TMEM62: variants seen among roughly 807,000 people sequenced by gnomAD.
TMEM62 encodes the protein transmembrane protein 62.
In TMEM62, 41 loss-of-function variants were observed where a neutral mutation model predicts 70.4. The observed-to-expected ratio is 0.58, with a 90% CI of 0.45 to 0.76. The LOEUF is 0.76. Among genes scored for constraint, TMEM62 ranks in the 30% least tolerant of loss-of-function variants. TMEM62 has a pLI of 0.00. For synonymous variants in TMEM62, 268 were observed against 291.0 expected, an observed-to-expected ratio of 0.92 and a Z score of 0.80; for missense variants, 688 against 788.5, an observed-to-expected ratio of 0.87 and a Z score of 1.53.
At position 43,142,193 on chromosome 15, in the gene TMEM62, G is replaced by T. The variant is rs570744256; in HGVS notation, c.476+3574G>T. 7.7e-4 allele frequency among the ~76,000 whole-genome samples: 110 copies of T among 142,632 alleles called. 1 individual carries two copies. Among genetic ancestry groups the T allele is most frequent in the Admixed American group, 2.2e-4 (3 of 13,820 alleles). The allele number at this position is 142,632 out of a possible 152,430, so 93.6% of individuals were successfully genotyped here. A position where few individuals can be genotyped will look rare whatever the true frequency, so the allele number is the denominator to read the frequency against. On this transcript the variant is annotated intron_variant, in intron 4 of 13. Transcript: ENST00000260403. ...TTTTTTTTTTTTTTTTGAGATGGAG[G>T]CTTGCTCTGTCACCCAGGCTGGGGT...
intron 10 of TMEM62, among the ~76,000 whole-genome samples, chr15:43,168,043 C>T (rs566945412): frequency 2.0e-5 from 3 of 151,858 alleles, no homozygotes; most frequent in South Asian, 2.1e-4. Context: ...AGACTCAGGC[C>T]GGGAGGTTGC....
chr15:43,160,090 C>A (rs114715547), intron 9 of TMEM62, among the ~76,000 whole-genome samples: 3,184 of 151,840 alleles, frequency 0.021, 101 homozygotes, highest in African/African-American at 0.068. Flanking sequence ...TGCCTCAGGC[C>A]CCTGAGTAGC....
intron 9 of TMEM62, among the ~76,000 whole-genome samples, chr15:43,157,941 G>A (rs942705693): frequency 3.9e-5 from 6 of 152,168 alleles, no homozygotes; most frequent in East Asian, 1.9e-4. Flanking sequence ...CTATTTAACC[G>A]ACTTGTCTCT....
chr15:43,162,716 G>A (rs986015889), intron 10 of TMEM62, among the ~76,000 whole-genome samples: 17 of 152,248 alleles, frequency 1.1e-4, no homozygotes, highest in Middle Eastern at 3.4e-3. Context: ...ACAGCGGTAA[G>A]CCACCGCACC....
intron 2 of TMEM62, among the ~76,000 whole-genome samples, chr15:43,134,748 T>C (rs1334394223): frequency 1.3e-5 from 2 of 152,244 alleles, no homozygotes; most frequent in Non-Finnish European, 2.9e-5. Flanking sequence ...CTAACTTTTC[T>C]ATTTTCTTTA....
intron 8 of TMEM62, 141 bp from the exon 9 acceptor site, chr15:43,154,531 T>C: frequency 3.2e-6 from 2 of 624,918 alleles, no homozygotes; most frequent in African/African-American, 3.8e-5. Context: ...AACCAGATCA[T>C]ATCAATAGTG....
intron 10 of TMEM62, among the ~76,000 whole-genome samples, chr15:43,166,019 T>C (rs2039372784): frequency 6.6e-6 from 1 of 152,230 alleles, no homozygotes; most frequent in African/African-American, 2.4e-5. Flanking sequence ...GTATTTATTC[T>C]AATCTTTGTA....
chr15:43,138,957 ATTCT>A (rs1185110817), intron 4 of TMEM62, among the ~76,000 whole-genome samples: 3 of 151,958 alleles, frequency 2.0e-5, no homozygotes, highest in African/African-American at 7.3e-5. Flanking sequence ...CTTTCCTTTA[ATTCT>A]TTCTGTTTCA....
chr15:43,151,332 A>G (rs1265497559), intron 7 of TMEM62, among the ~76,000 whole-genome samples: 1 of 151,960 alleles, frequency 6.6e-6, no homozygotes, highest in Non-Finnish European at 1.5e-5. Flanking sequence ...AAAAAAAAAA[A>G]AAAAAGAAAG....
intron 11 of TMEM62, among the ~76,000 whole-genome samples, chr15:43,171,382 T>C (rs545849780): frequency 6.6e-6 from 1 of 151,694 alleles, no homozygotes; most frequent in East Asian, 1.9e-4. Context: ...ATCCTGATGA[T>C]ATAAAACTTC....
chr15:43,135,847 G>T (rs1322121055), intron 3 of TMEM62, 198 bp downstream of exon 3: 4 of 505,208 alleles, frequency 7.9e-6, no homozygotes, highest in African/African-American at 5.9e-5. Flanking sequence ...CAATTGGTAT[G>T]GTCCTTTTTT....
At chr15:43,156,886 T>C (rs112529120) in intron 9 of TMEM62, among the ~76,000 whole-genome samples, 2,087 of 152,258 alleles carry the variant, frequency 0.014, 40 homozygotes, top group African/African-American at 0.048. Context: ...TCTTGTATCC[T>C]TTGCAATCTG....
At chr15:43,172,071 G>T (rs2142004207) in intron 11 of TMEM62, among the ~76,000 whole-genome samples, 1 of 152,152 alleles carries the variant, frequency 6.6e-6, no homozygotes, top group Non-Finnish European at 1.5e-5. Flanking sequence ...TTTGAATGTG[G>T]AGTTTACTAT....
At chr15:43,151,280 C>T (rs915818668) in intron 7 of TMEM62, among the ~76,000 whole-genome samples, 1 of 144,338 alleles carries the variant, frequency 6.9e-6, no homozygotes, top group Non-Finnish European at 1.5e-5. Context: ...CACTGCACTC[C>T]AGCCTGGGTG....
At chr15:43,170,056 T>C (rs2040023629) in intron 11 of TMEM62, among the ~76,000 whole-genome samples, 1 of 152,214 alleles carries the variant, frequency 6.6e-6, no homozygotes, top group South Asian at 2.1e-4. Context: ...ATGTTTACGT[T>C]AAGATAAGGA....
intron 4 of TMEM62, among the ~76,000 whole-genome samples, chr15:43,141,372 G>T (rs1303980170): frequency 2.6e-5 from 4 of 152,116 alleles, no homozygotes; most frequent in African/African-American, 9.7e-5. Flanking sequence ...TCTATATATG[G>T]AACAACAAAG....
At chr15:43,160,829 A>G in intron 10 of TMEM62, 35 bp downstream of exon 10, 1 of 1,293,340 alleles carries the variant, frequency 7.7e-7, no homozygotes, top group Non-Finnish European at 1.1e-6. Context: ...CATATGTTAA[A>G]TGCAGAGTCC....
At chr15:43,146,048 A>C (rs2036621265) in intron 4 of TMEM62, 1 of 153,120 alleles carries the variant, frequency 6.5e-6, no homozygotes, top group Non-Finnish European at 1.5e-5. Context: ...TCCTTGCTTG[A>C]AGACTTCATC....
At chr15:43,167,993 G>A (rs12912837) in intron 10 of TMEM62, among the ~76,000 whole-genome samples, 40,773 of 151,734 alleles carry the variant, frequency 0.27, 6,260 homozygotes, top group African/African-American at 0.41. Context: ...GCGTGGCGGC[G>A]CACGCCTGCA....
Sources: gnomAD v4.1 joint callset for allele counts (sites outside exome capture counted in the v4.1 genomes callset) on GRCh38, gnomAD v4.1.1 for gene constraint, MANE v1.5 for transcripts, NCBI Gene and HGNC (gene_info 2026-07-23, HGNC 2026-07-21) for gene names.